NR5A1: variants seen among roughly 807,000 people sequenced by gnomAD.
NR5A1 encodes the protein nuclear receptor subfamily 5 group A member 1.
Under a neutral mutation model 42.7 loss-of-function variants are expected in NR5A1, and 6 were observed. That is an observed-to-expected ratio of 0.14 (90% CI 0.08 to 0.28). NR5A1 has a LOEUF of 0.28. NR5A1 is among the 10% of genes least tolerant of loss of function. The pLI is 1.00. For synonymous variants in NR5A1, 274 were observed against 277.5 expected (o/e 0.99, Z 0.12); for missense variants, 442 against 626.4 (o/e 0.71, Z 3.14).
chr9:124,490,299 C>T (rs1241331307), intron 6 of NR5A1, among the ~76,000 whole-genome samples: 3 of 152,218 alleles, frequency 2.0e-5, no homozygotes, highest in Non-Finnish European at 4.4e-5. Context: ...GGTCTTTTCA[C>T]GATTGGCAAG....
At chr9:124,506,892 A>G (rs2131294461) in intron 1 of NR5A1, 2 of 152,918 alleles carry the variant, frequency 1.3e-5, no homozygotes, top group East Asian at 3.9e-4. Context: ...CAGAGACAAC[A>G]CAGAAACTCA....
At chr9:124,491,037 G>T (rs750025915) in intron 6 of NR5A1, 44 bp downstream of exon 6, 5 of 302,886 alleles carry the variant, frequency 1.7e-5, no homozygotes, top group Middle Eastern at 9.7e-4. Flanking sequence ...CCACCCACCC[G>T]CCTCTGGCTG....
At chr9:124,504,611 G>A (rs1302791550) in intron 1 of NR5A1, among the ~76,000 whole-genome samples, 1 of 151,786 alleles carries the variant, frequency 6.6e-6, no homozygotes, top group Non-Finnish European at 1.5e-5. Context: ...CCGGAGGAGG[G>A]AAGCGCGAAG....
At chr9:124,506,948 A>G (rs978576446) in intron 1 of NR5A1, 1 of 152,602 alleles carries the variant, frequency 6.6e-6, no homozygotes, top group African/African-American at 2.4e-5. Context: ...CTCCAGACAC[A>G]CTCACAGACC....
At chr9:124,497,152 C>T (rs1832401363) in intron 4 of NR5A1, among the ~76,000 whole-genome samples, 3 of 152,158 alleles carry the variant, frequency 2.0e-5, no homozygotes, top group Admixed American at 2.0e-4. Context: ...TGCTGCGACC[C>T]CACTTCCGAA....
Position 124,503,495 on chromosome 9 carries a change from G to T in NR5A1, c.-15-85C>A. The T allele has an allele frequency of 8.9e-7, 1 of 1,125,408 alleles. No individual in the cohort carries two copies. Among genetic ancestry groups the T allele is most frequent in the Non-Finnish European group, 1.2e-6 (1 of 802,510 alleles). 69.7% of individuals were successfully genotyped at this position (1,125,408 alleles called of 1,614,324 possible). The stretch of plus-strand genomic sequence containing the variant: ...GGCCGCCGCCCCAGCCGCTGTCGCC[G>T]GCCCGTCGCGTAATCCCCTCTCTGT... On this transcript the variant is annotated intron_variant, in intron 1 of 6. Transcript: ENST00000373588. The surrounding 1 kb of genome is among the most constrained non-coding windows in gnomAD (Gnocchi z 9.6).
rs1293173789 is a variant in NR5A1 at position 124,500,872 on chromosome 9, C to T, written c.245-157G>A. On this transcript the variant is annotated intron_variant, in intron 3 of 6. Transcript: ENST00000373588. The surrounding 1 kb of genome is among the most constrained non-coding windows in gnomAD (Gnocchi z 6.9). ...CACAGGGGAAGTCAGTCTCCTTTGCCTGGCATTCAAGGCCCTGCTCAGCTT... is the reference window on the plus strand; with the variant it reads ...CACAGGGGAAGTCAGTCTCCTTTGCTTGGCATTCAAGGCCCTGCTCAGCTT... 3.3e-6 allele frequency: 4 copies of T among 1,225,786 alleles called. No individual in the cohort carries two copies. Among genetic ancestry groups the T allele is most frequent in the Non-Finnish European group, 4.7e-6 (4 of 847,726 alleles). The allele number at this position is 1,225,786 out of a possible 1,614,324, so 75.9% of individuals were successfully genotyped here. A position where few individuals can be genotyped will look rare whatever the true frequency, so the allele number is the denominator to read the frequency against.
rs369441486 is a variant in NR5A1, at chr9:124,488,054, C to T, written c.1138+3027G>A. 7.1e-4 allele frequency among the ~76,000 whole-genome samples: 108 copies of T among 152,196 alleles called. 1 individual carries two copies. Among genetic ancestry groups the T allele is most frequent in the Middle Eastern group, 6.8e-3 (2 of 294 alleles). ...CGCCAGCCTACTCCCCACCCCGTCC[C>T]CACCCCTGCAGCCACACAGAACTTT... On this transcript the variant is annotated intron_variant, in intron 6 of 6. Transcript: ENST00000373588.
intron 1 of NR5A1, among the ~76,000 whole-genome samples, chr9:124,505,166 G>C (rs1832538467): frequency 6.6e-6 from 1 of 152,148 alleles, no homozygotes; most frequent in African/African-American, 2.4e-5. Context: ...CCCGGACCCC[G>C]AGCGCGGCCA....
rs1162168774 is a variant in NR5A1, at chr9:124,503,453, C to T, written c.-15-43G>A. The T allele has an allele frequency of 1.1e-5, 17 of 1,513,144 alleles. No homozygotes were observed. The African/African-American group carries it at 2.1e-4, about 19-fold the overall frequency. 93.7% of individuals were successfully genotyped at this position (1,513,144 alleles called of 1,614,324 possible). ...GTCAGGGAGGGCCGGCGGAGACCGGCAGCCTGGGGTCCCCGCGGCCGCCGC... is the reference window on the plus strand; with the variant it reads ...GTCAGGGAGGGCCGGCGGAGACCGGTAGCCTGGGGTCCCCGCGGCCGCCGC... On this transcript the variant is annotated intron_variant, in intron 1 of 6. Transcript: ENST00000373588. The surrounding 1 kb of genome is among the most constrained non-coding windows in gnomAD (Gnocchi z 9.6).
rs1191149657 is a variant in NR5A1 at position 124,503,711 on chromosome 9, G to A, written c.-15-301C>T. 6.6e-6 allele frequency among the ~76,000 whole-genome samples: 1 copy of A among 152,224 alleles called. No individual in the cohort carries two copies. The highest frequency in any genetic ancestry group is 1.9e-4 in the East Asian group (1 of 5,184). On this transcript the variant is annotated intron_variant, in intron 1 of 6. Transcript: ENST00000373588. This position sits in a 1 kb window ranked among gnomAD's most constrained non-coding sequence, Gnocchi z 9.6. The stretch of plus-strand genomic sequence containing the variant: ...GTTCGATGCGCTTCGATTGGGATTC[G>A]TTTGTCTGAGAACAAAACCCCGATT...
At chr9:124,494,102 GACAC>G (rs1832354800) in intron 4 of NR5A1, among the ~76,000 whole-genome samples, 1 of 152,228 alleles carries the variant, frequency 6.6e-6, no homozygotes, top group East Asian at 1.9e-4. Context: ...GGCCTGGGCA[GACAC>G]AGCCCCATCC....
At position 124,496,719 on chromosome 9, in the gene NR5A1, C is replaced by T. The variant is rs1352808735; in HGVS notation, c.870+3371G>A. Among the ~76,000 whole-genome samples, 1 of 152,188 alleles carries T rather than the reference C, an allele frequency of 6.6e-6. No homozygotes were observed. The highest frequency in any genetic ancestry group is 1.5e-5 in the Non-Finnish European group (1 of 68,038). ...TCAGCCCAGGACTGACAGTTACTGC[C>T]GCTTAAATGAAACCGTCTATCTGGG... On this transcript the variant is annotated intron_variant, in intron 4 of 6. Transcript: ENST00000373588. This position sits in a 1 kb window ranked among gnomAD's most constrained non-coding sequence, Gnocchi z 5.0.
Position 124,496,468 on chromosome 9 carries a change from C to A in NR5A1, c.871-3319G>T, listed in dbSNP as rs763249071. ...TCAGCCATCCACCCCTCCCACCGGACCGCCACAAATCTTCCTGGAGCCTTG... is the reference window on the plus strand; with the variant it reads ...TCAGCCATCCACCCCTCCCACCGGAACGCCACAAATCTTCCTGGAGCCTTG... On this transcript the variant is annotated intron_variant, in intron 4 of 6. Coordinates refer to ENST00000373588, the MANE Select transcript of NR5A1 (RefSeq NM_004959.5). The surrounding 1 kb of genome is among the most constrained non-coding windows in gnomAD (Gnocchi z 5.0). Among the ~76,000 whole-genome samples the A allele has an allele frequency of 2.0e-5, 3 of 152,178 alleles. No individual in the cohort carries two copies. Among genetic ancestry groups the A allele is most frequent in the Non-Finnish European group, 4.4e-5 (3 of 68,034 alleles).
At chr9:124,485,567 G>A (rs1564147883) in intron 6 of NR5A1, among the ~76,000 whole-genome samples, 4 of 152,160 alleles carry the variant, frequency 2.6e-5, no homozygotes, top group African/African-American at 9.7e-5. Context: ...CTTCTGAAGC[G>A]AGCCAGGAGC....
intron 6 of NR5A1, among the ~76,000 whole-genome samples, chr9:124,486,939 A>T (rs1459879952): frequency 6.6e-6 from 1 of 152,250 alleles, no homozygotes; most frequent in African/African-American, 2.4e-5. Context: ...TCATCTGCAC[A>T]ACAGGGGAAA....
In NR5A1 at chr9:124,500,813, C is replaced by T. The variant is rs182543702; in HGVS notation, c.245-98G>A. The T allele has an allele frequency of 4.4e-6, 7 of 1,573,596 alleles. No individual in the cohort carries two copies. The Admixed American group carries it at 1.0e-4, about 23-fold the overall frequency. On this transcript the variant is annotated intron_variant, in intron 3 of 6. Coordinates refer to ENST00000373588, the MANE Select transcript of NR5A1 (RefSeq NM_004959.5). The surrounding 1 kb of genome is among the most constrained non-coding windows in gnomAD (Gnocchi z 6.9). ...TCCAAACAAATCTGACCGCTCTCTC[C>T]CCTGCTCAACACCCTTTCATGGCTC...
At chr9:124,504,365 G>A (rs548968055) in intron 1 of NR5A1, among the ~76,000 whole-genome samples, 2 of 152,190 alleles carry the variant, frequency 1.3e-5, no homozygotes, top group Non-Finnish European at 2.9e-5. Flanking sequence ...CCAGACGGGG[G>A]CCCGGGCCGC....
At chr9:124,502,318 CTTTCTTTTTTATTTTT>C (rs1179621560) in intron 3 of NR5A1, among the ~76,000 whole-genome samples, 3 of 152,084 alleles carry the variant, frequency 2.0e-5, no homozygotes, top group African/African-American at 7.2e-5. Context: ...CTTTTCTTTT[CTTTCTTTTTTATTTTT>C]ATGTACTTAT....
Sources: allele counts gnomAD v4.1 joint callset (sites outside exome capture counted in the v4.1 genomes callset), GRCh38; gene constraint gnomAD v4.1.1; non-coding constraint Gnocchi (gnomAD v3.1); transcripts MANE v1.5; gene names NCBI Gene and HGNC (gene_info 2026-07-23, HGNC 2026-07-21).